Variants in TNR observed in about 807,000 individuals in gnomAD.
The protein encoded by TNR is tenascin-R.
Under a neutral mutation model 150.4 loss-of-function variants are expected in TNR, and 45 were observed. The observed-to-expected ratio is 0.30, with a 90% CI of 0.24 to 0.38. The LOEUF (loss-of-function observed/expected upper bound fraction) is 0.38. TNR is among the 10% of genes least tolerant of loss of function. The probability of loss-of-function intolerance (pLI) is 1.00; values close to 1 mark genes in which losing one functional copy is unlikely to be tolerated. For missense variants in TNR, 1,544 were observed against 1,759.1 expected (o/e 0.88, Z 2.19); for synonymous variants, 687 against 678.4 (o/e 1.01, Z -0.20).
chr1:175,535,941 A>T lies in TNR; in HGVS notation c.-164-7572T>A, dbSNP rs147882021. ...GCAAGTCACAGTAGTATCAGCAGAA[A>T]CTATAATTTTTCACCAATAGAAATC... On this transcript the variant is annotated intron_variant, in intron 1 of 22. Coordinates refer to ENST00000367674, the MANE Select transcript of TNR (RefSeq NM_003285.3). Among the ~76,000 whole-genome samples the T allele has an allele frequency of 9.7e-4, 147 of 152,226 alleles. 1 individual carries two copies. In the East Asian group the frequency reaches 0.022, roughly 23 times the overall value.
intron 1 of TNR, among the ~76,000 whole-genome samples, chr1:175,721,803 C>T (rs538782968): frequency 2.0e-5 from 3 of 152,188 alleles, no homozygotes; most frequent in East Asian, 1.9e-4. Flanking sequence ...TCTCATCCTG[C>T]GCATCCACTC....
intron 2 of TNR, among the ~76,000 whole-genome samples, chr1:175,474,024 T>G (rs1343483235): frequency 1.3e-5 from 2 of 152,084 alleles, no homozygotes; most frequent in Non-Finnish European, 2.9e-5. Context: ...CACACACAAA[T>G]TCTCCATTTT....
intron 2 of TNR, 66 bp from the exon 3 acceptor site, chr1:175,406,843 A>C (rs1380912767): frequency 8.0e-7 from 1 of 1,245,264 alleles, no homozygotes; most frequent in Non-Finnish European, 1.1e-6. Context: ...GGCTCTGCAC[A>C]AGCCTACAAA....
chr1:175,421,930 C>T (rs1033270514), intron 2 of TNR, among the ~76,000 whole-genome samples: 9 of 152,172 alleles, frequency 5.9e-5, no homozygotes, highest in African/African-American at 1.9e-4. Context: ...GTGCATTGTC[C>T]AGGCACATGC....
At position 175,621,886 on chromosome 1, in the gene TNR, G is replaced by A. The variant is rs142216116; in HGVS notation, c.-164-93517C>T. On this transcript the variant is annotated intron_variant, in intron 1 of 22. Transcript: ENST00000367674. ...GTATCGCACAAAGGTTAAGGGTATG[G>A]CCCTAGATTGAGCCTACCCTGGTTC... Among the ~76,000 whole-genome samples the A allele has an allele frequency of 1.5e-3, 234 of 152,288 alleles. 3 individuals carry two copies. Among genetic ancestry groups the A allele is most frequent in the African/African-American group, 5.4e-3 (223 of 41,548 alleles).
At chr1:175,620,915 A>G (rs965368236) in intron 1 of TNR, among the ~76,000 whole-genome samples, 1 of 152,128 alleles carries the variant, frequency 6.6e-6, no homozygotes, top group African/African-American at 2.4e-5. Flanking sequence ...TCTCATACTT[A>G]CCTGCCAGTT....
At chr1:175,355,954 C>T (rs564693016) in intron 16 of TNR, among the ~76,000 whole-genome samples, 4 of 152,284 alleles carry the variant, frequency 2.6e-5, no homozygotes, top group East Asian at 1.9e-4. Context: ...CGTGAACTTA[C>T]GTTTCCACAT....
chr1:175,480,620 T>C (rs1175766871), intron 2 of TNR, among the ~76,000 whole-genome samples: 1 of 152,186 alleles, frequency 6.6e-6, no homozygotes, highest in Non-Finnish European at 1.5e-5. Context: ...GTATTTTACA[T>C]GACATTCATG....
intron 2 of TNR, among the ~76,000 whole-genome samples, chr1:175,437,482 G>C (rs1248331026): frequency 6.6e-6 from 1 of 152,136 alleles, no homozygotes. Flanking sequence ...AGAAGCAAGA[G>C]CAAATACATT....
chr1:175,380,105 A>G (rs181063513), intron 8 of TNR, among the ~76,000 whole-genome samples: 1 of 152,354 alleles, frequency 6.6e-6, no homozygotes, highest in East Asian at 1.9e-4. Flanking sequence ...GAGATGGAAT[A>G]GAACAATATC....
At chr1:175,695,170 TC>T (rs1387445957) in intron 1 of TNR, among the ~76,000 whole-genome samples, 2 of 152,192 alleles carry the variant, frequency 1.3e-5, no homozygotes, top group Non-Finnish European at 2.9e-5. Context: ...AATTAGGGCT[TC>T]CTGTTGCTCT....
intron 2 of TNR, among the ~76,000 whole-genome samples, chr1:175,476,782 T>C (rs961068030): frequency 2.0e-5 from 3 of 152,194 alleles, no homozygotes; most frequent in Non-Finnish European, 4.4e-5. Flanking sequence ...ACCTGACATA[T>C]TACCAGAACC....
intron 2 of TNR, among the ~76,000 whole-genome samples, chr1:175,505,153 C>G (rs1557974446): frequency 6.6e-6 from 1 of 152,228 alleles, no homozygotes; most frequent in East Asian, 1.9e-4. Context: ...CAGGCTGCCT[C>G]GCTGTGCCCA....
chr1:175,725,335 G>A (rs1667448870), intron 1 of TNR, among the ~76,000 whole-genome samples: 1 of 152,184 alleles, frequency 6.6e-6, no homozygotes, highest in African/African-American at 2.4e-5. Flanking sequence ...CCATAGCACT[G>A]TGGAATTATC....
intron 1 of TNR, among the ~76,000 whole-genome samples, chr1:175,619,680 G>C (rs1389450043): frequency 6.6e-6 from 1 of 152,236 alleles, no homozygotes; most frequent in African/African-American, 2.4e-5. Flanking sequence ...TAGAGTTCCA[G>C]AGATGTTGTG....
At chr1:175,658,514 A>C (rs1227445269) in intron 1 of TNR, among the ~76,000 whole-genome samples, 1 of 152,158 alleles carries the variant, frequency 6.6e-6, no homozygotes, top group Admixed American at 6.5e-5. Context: ...CTGCTAAATC[A>C]TGGGCTGCAA....
chr1:175,624,147 T>C (rs1215532427), intron 1 of TNR, among the ~76,000 whole-genome samples: 1 of 152,182 alleles, frequency 6.6e-6, no homozygotes, highest in Non-Finnish European at 1.5e-5. Flanking sequence ...TCTCCACCAA[T>C]TGCTTCTCCT....
At chr1:175,628,563 G>A (rs1388240156) in intron 1 of TNR, among the ~76,000 whole-genome samples, 4 of 151,258 alleles carry the variant, frequency 2.6e-5, no homozygotes, top group Non-Finnish European at 4.4e-5. Context: ...TTGCGCCATT[G>A]TTAATATTTT....
rs1468003402 is a variant in TNR, at chr1:175,315,801, TGTGTGTGTGC to T, written c.*7546_*7555del. Reference sequence around the variant, plus strand: ...GCACCTGTGTATGTGTGCATGCATGTGTGTGTGTGCATGTGTGTGTGTGTGTGTGTGTGTG... The same window carrying T: ...GCACCTGTGTATGTGTGCATGCATGTATGTGTGTGTGTGTGTGTGTGTGTG... On this transcript the variant is annotated 3_prime_UTR_variant, in exon 23 of 23. Transcript: ENST00000367674. 3 of 129,106 alleles carry T rather than the reference TGTGTGTGTGC, an allele frequency of 2.3e-5. No homozygotes were observed. The highest frequency in any genetic ancestry group is 4.8e-5 in the Non-Finnish European group (3 of 62,322). 8.0% of individuals were successfully genotyped at this position (129,106 alleles called of 1,614,324 possible).
Sources: gnomAD v4.1 joint callset for allele counts (sites outside exome capture counted in the v4.1 genomes callset) on GRCh38, gnomAD v4.1.1 for gene constraint, MANE v1.5 for transcripts, NCBI Gene and HGNC (gene_info 2026-07-23, HGNC 2026-07-21) for gene names.